Variants in DCAF11 observed in about 807,000 individuals in gnomAD.
The protein encoded by DCAF11 is DDB1- and CUL4-associated factor 11.
A neutral mutation model predicts 76.1 loss-of-function variants in DCAF11; 44 were observed. That is an observed-to-expected ratio of 0.58 (90% CI 0.45 to 0.74). DCAF11 has a LOEUF of 0.74. Ranked by LOEUF, DCAF11 falls within the 30% of genes least tolerant of loss-of-function variation. DCAF11 has a pLI of 0.00. For synonymous variants in DCAF11, 258 were observed against 255.0 expected (o/e 1.01, Z -0.11); for missense variants, 604 against 709.4 (o/e 0.85, Z 1.69).
Position 24,115,667 on chromosome 14 carries a change from G to C in DCAF11, c.73G>C (p.Ala25Pro), listed in dbSNP as rs1174881258. ...DPSEGLPRRG[A>P]GLRRSEEEEE... ...CTCCGAGGGCTTGCCCCGAAGAGGG[G>C]CTGGCCTGCGTCGGAGTGAGGAAGA... The change falls in exon 2 of 15, where the codon GCT (alanine) becomes CCT (proline). Residue 25 changes from alanine (A) to proline (P), a missense_variant. Physicochemically the swap from Ala to Pro is conservative, Grantham distance 27 (BLOSUM62 -1). Transcript: ENST00000446197. The C allele has an allele frequency of 1.2e-6, 2 of 1,613,774 alleles. No individual in the cohort carries two copies. Among genetic ancestry groups the C allele is most frequent in the African/African-American group, 2.7e-5 (2 of 74,958 alleles).
chr14:24,114,872 T>A lies in DCAF11; in HGVS notation c.-635T>A. On this transcript the variant is annotated 5_prime_UTR_variant, in exon 1 of 15. Coordinates refer to ENST00000446197, the MANE Select transcript of DCAF11 (RefSeq NM_025230.5). ...CGGTTGGCCAACGCAGTGGCGGCAG[T>A]CGGTGTAAACAAGGCCTCGCGCCGC... is the stretch of plus-strand genomic sequence containing the variant. 5.1e-6 allele frequency: 5 copies of A among 985,840 alleles called. No individual in the cohort carries two copies. The highest frequency in any genetic ancestry group is 6.0e-6 in the Non-Finnish European group (5 of 829,924). 61.1% of individuals were successfully genotyped at this position (985,840 alleles called of 1,614,324 possible). A position where few individuals can be genotyped will look rare whatever the true frequency, so the allele number is the denominator to read the frequency against.
At chr14:24,119,486 C>T in intron 9 of DCAF11, 73 bp from the exon 10 acceptor site, 1 of 1,564,254 alleles carries the variant, frequency 6.4e-7, no homozygotes, top group Non-Finnish European at 8.8e-7. Flanking sequence ...CTCAGTGGAA[C>T]TCTCTAGAGC....
Position 24,119,226 on chromosome 14 carries a change from G to A in DCAF11, c.848+13G>A. On this transcript the variant is annotated intron_variant, in intron 9 of 14. Coordinates refer to ENST00000446197, the MANE Select transcript of DCAF11 (RefSeq NM_025230.5). ...AAGTACTAGGAGGGTAAGTGCTTGT[G>A]GGGTATGTTTCCCTCAATAACAAGA... 6.2e-7 allele frequency: 1 copy of A among 1,614,106 alleles called. No homozygotes were observed. The highest frequency in any genetic ancestry group is 8.5e-7 in the Non-Finnish European group (1 of 1,179,996).
intron 8 of DCAF11, 84 bp downstream of exon 8, chr14:24,118,888 C>T (rs2037636091): frequency 6.7e-7 from 1 of 1,485,698 alleles, no homozygotes; most frequent in Admixed American, 1.7e-5. Context: ...GTTGGAAGTT[C>T]TGTTTAGGGG....
chr14:24,115,517 C>A lies in DCAF11; in HGVS notation c.-78C>A. 6.6e-7 allele frequency: 1 copy of A among 1,518,854 alleles called. No homozygotes were observed. Among genetic ancestry groups the A allele is most frequent in the South Asian group, 1.3e-5 (1 of 75,234 alleles). 94.1% of individuals were successfully genotyped at this position (1,518,854 alleles called of 1,614,324 possible). A position where few individuals can be genotyped will look rare whatever the true frequency, so the allele number is the denominator to read the frequency against. On this transcript the variant is annotated 5_prime_UTR_variant, in exon 2 of 15. Coordinates refer to ENST00000446197, the MANE Select transcript of DCAF11 (RefSeq NM_025230.5). ...TCAGGAGACCCTGGTATTTCTAGAG[C>A]ACGCTTTGCTTTCACCAAACCCAAG...
intron 9 of DCAF11, 143 bp from the exon 10 acceptor site, chr14:24,119,416 C>A: frequency 8.0e-7 from 1 of 1,243,276 alleles, no homozygotes; most frequent in Non-Finnish European, 1.2e-6. Context: ...TGAAACACAG[C>A]TAACTCTTCC....
At chr14:24,121,289 T>G in intron 12 of DCAF11, 76 bp from the exon 13 acceptor site, 1 of 1,577,366 alleles carries the variant, frequency 6.3e-7, no homozygotes. Flanking sequence ...GCATCGAACC[T>G]TGCTCAGGAC....
intron 9 of DCAF11, 134 bp from the exon 10 acceptor site, chr14:24,119,425 C>G: frequency 4.0e-6 from 5 of 1,265,118 alleles, no homozygotes; most frequent in Non-Finnish European, 3.4e-6. Flanking sequence ...GCTAACTCTT[C>G]CCCCACTTCC....
chr14:24,119,176 A>G lies in DCAF11; in HGVS notation c.811A>G (p.Ile271Val). ...PDERRFAVFS[I>V]AVSSDGREVL... ...TGAGCGTCGCTTTGCTGTCTTCTCC[A>G]TTGCTGTCTCCTCAGATGGACGAGA... The change falls in exon 9 of 15, where the codon ATT becomes GTT. Residue 271 changes from isoleucine to valine, a missense_variant. Physicochemically the swap from Ile to Val is conservative, Grantham distance 29 (BLOSUM62 3). Coordinates refer to ENST00000446197, the MANE Select transcript of DCAF11 (RefSeq NM_025230.5). 1 of 1,614,110 alleles carries G rather than the reference A, an allele frequency of 6.2e-7. No homozygotes were observed. The highest frequency in any genetic ancestry group is 8.5e-7 in the Non-Finnish European group (1 of 1,180,004).
Position 24,124,378 on chromosome 14 carries a change from C to T in DCAF11, c.*1069C>T, listed in dbSNP as rs1325886499. On this transcript the variant is annotated 3_prime_UTR_variant, in exon 15 of 15. Transcript: ENST00000446197. ...CCCTGAACGCAGAGCCTAAGAGAAG[C>T]AAGTCGGCCCTGACGCCAGGCCCCA... 5 of 152,260 alleles carry T rather than the reference C, an allele frequency of 3.3e-5. No individual in the cohort carries two copies. Among genetic ancestry groups the T allele is most frequent in the African/African-American group, 1.2e-4 (5 of 41,446 alleles). 9.4% of individuals were successfully genotyped at this position (152,260 alleles called of 1,614,324 possible). A position where few individuals can be genotyped will look rare whatever the true frequency, so the allele number is the denominator to read the frequency against.
Position 24,123,443 on chromosome 14 carries a change from C to A in DCAF11, c.*134C>A. ...GAATAACATAAGCCTGGGCTCTGAG[C>A]CTCAGCTGAGCCCTGGAAGATTCTC... On this transcript the variant is annotated 3_prime_UTR_variant, in exon 15 of 15. Transcript: ENST00000446197. 1 of 1,341,490 alleles carries A rather than the reference C, an allele frequency of 7.5e-7. No individual in the cohort carries two copies. The highest frequency in any genetic ancestry group is 9.8e-7 in the Non-Finnish European group (1 of 1,024,120). The allele number at this position is 1,341,490 out of a possible 1,614,324, so 83.1% of individuals were successfully genotyped here.
rs763653444 is a variant in DCAF11 at position 24,123,071 on chromosome 14, C to T, written c.1500C>T (p.Ser500=). 1.9e-6 allele frequency: 3 copies of T among 1,614,088 alleles called. No homozygotes were observed. Among genetic ancestry groups the T allele is most frequent in the East Asian group, 4.5e-5 (2 of 44,886 alleles). ...ACCCCTTTGAAGAGAAGATTGTCAG[C>T]AGTTCGGTGAGGTTGCAAGGGTTGA... is the stretch of plus-strand genomic sequence containing the variant. ...SWHPFEEKIV[S]SSWDGNLRLW... is the part of the protein sequence containing the mutation. The change falls in exon 14 of 15, where the codon AGC becomes AGT. Residue 500 remains serine, a synonymous_variant. Transcript: ENST00000446197.
Position 24,117,323 on chromosome 14 carries a change from A to G in DCAF11, c.341A>G (p.Glu114Gly). The change falls in exon 4 of 15, where the codon GAA (glutamate) becomes GGA (glycine). Residue 114 changes from glutamate to glycine, a missense_variant. Transcript: ENST00000446197. The surrounding 1 kb of genome is among the most constrained non-coding windows in gnomAD (Gnocchi z 4.3). ...LEFNEIKTQV[E>G]LATGQLGLRR... ...TTCAATGAGATCAAGACACAAGTGG[A>G]ACTGGCCACAGGGCAGCTGGGGCTT... The G allele has an allele frequency of 6.2e-7, 1 of 1,614,224 alleles. No individual in the cohort carries two copies. The highest frequency in any genetic ancestry group is 8.5e-7 in the Non-Finnish European group (1 of 1,180,034).
At chr14:24,122,336 A>G (rs2037706073) in intron 13 of DCAF11, among the ~76,000 whole-genome samples, 2 of 151,512 alleles carry the variant, frequency 1.3e-5, no homozygotes, top group African/African-American at 4.8e-5. Flanking sequence ...AGGCGCTGGT[A>G]ATCACAAGCT....
chr14:24,121,218 CACTG>C, intron 12 of DCAF11, 143 bp from the exon 13 acceptor site: 2 of 1,188,922 alleles, frequency 1.7e-6, no homozygotes, highest in South Asian at 1.4e-5. Context: ...GGAGACTGTC[CACTG>C]ACTATTAGGT....
In DCAF11 at chr14:24,115,581, G is replaced by A. The variant is rs3207709; in HGVS notation, c.-14G>A. On this transcript the variant is annotated 5_prime_UTR_variant, in exon 2 of 15. The change abolishes an upstream ATG in the 5' untranslated region. Transcript: ENST00000446197. ...GAGCCCCCGCACAGGACCTAAGAAT[G>A]CTGTGACCAGAAGATGGGATCGCGG... is the stretch of plus-strand genomic sequence containing the variant. 1 of 1,609,046 alleles carries A rather than the reference G, an allele frequency of 6.2e-7. No homozygotes were observed.
rs2037616751 is a variant in DCAF11 at position 24,118,079 on chromosome 14, CACTGATAGCT to C, written c.505_514del (p.Asp169LeufsTer46). Reference sequence around the variant, plus strand: ...GCTTCTTGCCCAATGATCTGGGCTTCACTGATAGCTACTCTCAGAAGGCTTTCTGTGGCAT... The same window carrying C: ...GCTTCTTGCCCAATGATCTGGGCTTCACTCTCAGAAGGCTTTCTGTGGCAT... On this transcript the variant is annotated frameshift_variant, in exon 6 of 15. Transcript: ENST00000446197. LOFTEE classifies it high-confidence loss of function. 6.2e-7 allele frequency: 1 copy of C among 1,612,496 alleles called. No homozygotes were observed. Among genetic ancestry groups the C allele is most frequent in the Admixed American group, 1.7e-5 (1 of 59,496 alleles).
Position 24,117,237 on chromosome 14 carries a change from A to G in DCAF11, c.284-29A>G, listed in dbSNP as rs372889586. ...ACTGTCCTCTGAGGCTGGCAGACCT[A>G]GGATGAAACTTCTCCTTGGTACTCA... On this transcript the variant is annotated intron_variant, in intron 3 of 14. Transcript: ENST00000446197. This position sits in a 1 kb window ranked among gnomAD's most constrained non-coding sequence, Gnocchi z 4.3. 2 of 1,613,776 alleles carry G rather than the reference A, an allele frequency of 1.2e-6. No individual in the cohort carries two copies. The highest frequency in any genetic ancestry group is 1.7e-6 in the Non-Finnish European group (2 of 1,179,772).
Position 24,121,400 on chromosome 14 carries a change from T to C in DCAF11, c.1282T>C (p.Leu428=), listed in dbSNP as rs751369400. The change falls in exon 13 of 15, where the codon TTG becomes CTG. Residue 428 remains leucine, a synonymous_variant. Transcript: ENST00000446197. ...GCTGAAGCTCCCAGGGGACAGCTCC[T>C]TGATGACCTACCGGGGCCACGGAGT... ...RKLKLPGDSS[L]MTYRGHGVLH... 6.2e-6 allele frequency: 10 copies of C among 1,614,102 alleles called. No homozygotes were observed. The South Asian group carries it at 8.8e-5, about 14-fold the overall frequency.
Sources: gnomAD v4.1 joint callset for allele counts (sites outside exome capture counted in the v4.1 genomes callset) on GRCh38, gnomAD v4.1.1 for gene constraint, Gnocchi (gnomAD v3.1) non-coding constraint, MANE v1.5 for transcripts, NCBI Gene and HGNC (gene_info 2026-07-23, HGNC 2026-07-21) for gene names.